The following FGGY variants were observed in gnomAD, a reference collection of about 807,000 sequenced individuals.
The protein encoded by FGGY is FGGY carbohydrate kinase domain-containing protein.
In FGGY, 72 loss-of-function variants were observed where a neutral mutation model predicts 71.3. The ratio of observed to expected loss-of-function variants is 1.01; its 90% CI spans 0.84 to 1.23. FGGY has a LOEUF of 1.23. Ranked by LOEUF, FGGY falls within the 50% of genes most tolerant of loss-of-function variation. The pLI, the probability that FGGY is intolerant of heterozygous loss-of-function variation, is 0.00. For synonymous variants in FGGY, 251 were observed against 250.3 expected (o/e 1.00, Z -0.02); for missense variants, 668 against 682.3 (o/e 0.98, Z 0.23).
At chr1:59,446,079 A>C (rs781645953) in intron 5 of FGGY, among the ~76,000 whole-genome samples, 43 of 152,190 alleles carry the variant, frequency 2.8e-4, no homozygotes, top group Non-Finnish European at 5.4e-4. Flanking sequence ...CCTGGCGTAT[A>C]ATAGGCACTA....
chr1:59,653,502 A>T (rs2153942527), intron 11 of FGGY, among the ~76,000 whole-genome samples: 1 of 152,130 alleles, frequency 6.6e-6, no homozygotes, highest in South Asian at 2.1e-4. Flanking sequence ...TTCGGGTGGG[A>T]GTGACCCGAT....
intron 5 of FGGY, among the ~76,000 whole-genome samples, chr1:59,443,786 G>A (rs946051087): frequency 2.6e-5 from 4 of 152,162 alleles, no homozygotes; most frequent in Non-Finnish European, 4.4e-5. Context: ...TATGTTTTCT[G>A]TCTCTTCTGA....
chr1:59,676,664 G>A (rs906572633), intron 14 of FGGY, among the ~76,000 whole-genome samples: 4 of 152,142 alleles, frequency 2.6e-5, no homozygotes, highest in African/African-American at 7.2e-5. Flanking sequence ...CAGAATCTAA[G>A]ATATAGTAGA....
intron 1 of FGGY, among the ~76,000 whole-genome samples, chr1:59,313,499 T>G (rs1218360625): frequency 6.6e-6 from 1 of 152,006 alleles, no homozygotes; most frequent in Non-Finnish European, 1.5e-5. Flanking sequence ...TGTCAGCAAT[T>G]GCAAAAATGT....
At chr1:59,346,735 G>A (rs2052014930) in intron 4 of FGGY, among the ~76,000 whole-genome samples, 2 of 152,150 alleles carry the variant, frequency 1.3e-5, no homozygotes. Flanking sequence ...CTCACTCAAA[G>A]TGACAAAGTA....
intron 4 of FGGY, among the ~76,000 whole-genome samples, chr1:59,358,444 C>T (rs1166028865): frequency 6.6e-6 from 1 of 152,042 alleles, no homozygotes; most frequent in African/African-American, 2.4e-5. Context: ...AAGGAATTCC[C>T]ATATCTAGTA....
intron 14 of FGGY, chr1:59,699,381 A>G (rs2097691224): frequency 2.0e-6 from 2 of 985,282 alleles, no homozygotes; most frequent in African/African-American, 1.7e-5. Context: ...TATTAAATGT[A>G]CTTTTTCTTT....
chr1:59,450,529 A>G (rs140812800), intron 5 of FGGY, among the ~76,000 whole-genome samples: 88 of 152,246 alleles, frequency 5.8e-4, no homozygotes, highest in African/African-American at 2.0e-3. Context: ...CTATATGAGT[A>G]TACAGAATTG....
chr1:59,429,848 A>C (rs1384236563), intron 5 of FGGY, among the ~76,000 whole-genome samples: 1 of 152,268 alleles, frequency 6.6e-6, no homozygotes, highest in Admixed American at 6.5e-5. Flanking sequence ...GTGAGTGACA[A>C]CAGGTGCAGA....
At chr1:59,733,053 T>G (rs892331769) in intron 14 of FGGY, among the ~76,000 whole-genome samples, 6 of 152,080 alleles carry the variant, frequency 3.9e-5, no homozygotes, top group Non-Finnish European at 8.8e-5. Context: ...TACTCGCTAC[T>G]ACTACTTACA....
In FGGY at chr1:59,660,296, A is replaced by G. The variant is rs372879414; in HGVS notation, c.1296+3A>G. On this transcript the variant is annotated splice_donor_region_variant and intron_variant, in intron 12 of 15. Coordinates refer to ENST00000303721, the MANE Select transcript of FGGY (RefSeq NM_018291.5). ...TGGCCACAGTTCAAGCCATTGCTGTAAGATACTGTAATGCCATTTTTAAAG... is the reference window on the plus strand; with the variant it reads ...TGGCCACAGTTCAAGCCATTGCTGTGAGATACTGTAATGCCATTTTTAAAG... 13 of 1,611,810 alleles carry G rather than the reference A, an allele frequency of 8.1e-6. No individual in the cohort carries two copies. Among genetic ancestry groups the G allele is most frequent in the African/African-American group, 1.3e-5 (1 of 74,912 alleles).
At chr1:59,526,032 G>A (rs1306228215) in intron 7 of FGGY, among the ~76,000 whole-genome samples, 1 of 152,130 alleles carries the variant, frequency 6.6e-6, no homozygotes, top group East Asian at 1.9e-4. Context: ...ATGTTTGCAT[G>A]CCCCTATTTG....
At chr1:59,431,900 T>C (rs1280008585) in intron 5 of FGGY, among the ~76,000 whole-genome samples, 3 of 152,154 alleles carry the variant, frequency 2.0e-5, no homozygotes, top group Non-Finnish European at 2.9e-5. Flanking sequence ...TCCTAAGCGA[T>C]AGAGCATCTT....
chr1:59,521,288 A>T (rs2094825046), intron 7 of FGGY, among the ~76,000 whole-genome samples: 1 of 151,974 alleles, frequency 6.6e-6, no homozygotes. Context: ...TGATGGAGGG[A>T]GGGGCAGAGA....
At chr1:59,711,999 C>A (rs1009030632) in intron 14 of FGGY, among the ~76,000 whole-genome samples, 1 of 152,166 alleles carries the variant, frequency 6.6e-6, no homozygotes, top group African/African-American at 2.4e-5. Context: ...AGTCCAAAGT[C>A]TCATCTGAGA....
chr1:59,546,586 A>G lies in FGGY; in HGVS notation c.800-7538A>G, dbSNP rs185643153. Among the ~76,000 whole-genome samples, 5 of 151,806 alleles carry G rather than the reference A, an allele frequency of 3.3e-5. No homozygotes were observed. In the East Asian group the frequency reaches 9.7e-4, roughly 29 times the overall value. On this transcript the variant is annotated intron_variant, in intron 7 of 15. Transcript: ENST00000303721. ...GAGTCTGGCTCTGTTTCCCAGTGCA[A>G]TGGCGCGATCTCGGCTCACTGCAAT...
intron 5 of FGGY, among the ~76,000 whole-genome samples, chr1:59,434,177 T>C (rs1224547054): frequency 6.6e-6 from 1 of 152,252 alleles, no homozygotes; most frequent in Middle Eastern, 3.2e-3. Context: ...AGTATCATTG[T>C]TCATGGGCAC....
At chr1:59,539,156 C>T (rs923601706) in intron 7 of FGGY, among the ~76,000 whole-genome samples, 2 of 152,064 alleles carry the variant, frequency 1.3e-5, no homozygotes, top group East Asian at 1.9e-4. Context: ...ATATGATGTT[C>T]ATTGATTGGA....
At chr1:59,470,407 C>A (rs887106673) in intron 6 of FGGY, among the ~76,000 whole-genome samples, 2 of 152,134 alleles carry the variant, frequency 1.3e-5, no homozygotes, top group African/African-American at 4.8e-5. Context: ...AGGGGACATT[C>A]AAACCATCAC....
Sources: gnomAD v4.1 joint callset for allele counts (sites outside exome capture counted in the v4.1 genomes callset) on GRCh38, gnomAD v4.1.1 for gene constraint, MANE v1.5 for transcripts, NCBI Gene and HGNC (gene_info 2026-07-23, HGNC 2026-07-21) for gene names.